CSMD2: variants seen among roughly 807,000 people sequenced by gnomAD.
CSMD2 encodes CUB and Sushi multiple domains 2, also known as CUB and sushi domain-containing protein 2.
Under a neutral mutation model 398.5 loss-of-function variants are expected in CSMD2, and 130 were observed. The ratio of observed to expected loss-of-function variants is 0.33; its 90% CI spans 0.28 to 0.38. The LOEUF (loss-of-function observed/expected upper bound fraction) is 0.38. CSMD2 is among the 10% of genes least tolerant of loss of function. The pLI, the probability that CSMD2 is intolerant of heterozygous loss-of-function variation, is 1.00. For missense variants in CSMD2, 3,829 were observed against 4,764.9 expected, an observed-to-expected ratio of 0.80 and a Z score of 5.78; for synonymous variants, 1,828 against 1,908.5, an observed-to-expected ratio of 0.96 and a Z score of 1.10.
intron 1 of CSMD2, among the ~76,000 whole-genome samples, chr1:34,107,697 A>T (rs1660657423): frequency 6.6e-6 from 1 of 152,196 alleles, no homozygotes; most frequent in Admixed American, 6.5e-5. Flanking sequence ...CAGCACTCTC[A>T]TACAGCAAAG....
intron 1 of CSMD2, among the ~76,000 whole-genome samples, chr1:34,096,215 T>C (rs1659280391): frequency 6.6e-6 from 1 of 152,000 alleles, no homozygotes; most frequent in Non-Finnish European, 1.5e-5. Flanking sequence ...CAACAACCCT[T>C]CATGCTAAAA....
At chr1:33,789,411 T>C (rs1365594824) in intron 11 of CSMD2, among the ~76,000 whole-genome samples, 2 of 152,178 alleles carry the variant, frequency 1.3e-5, no homozygotes, top group East Asian at 1.9e-4. Context: ...GCCAGGAAGG[T>C]AGGGGTTGTC....
chr1:33,786,282 G>T (rs1377987278), intron 12 of CSMD2, among the ~76,000 whole-genome samples: 1 of 152,196 alleles, frequency 6.6e-6, no homozygotes, highest in African/African-American at 2.4e-5. Flanking sequence ...GCATGAGGAT[G>T]ACATGGAATC....
Position 33,533,870 on chromosome 1 carries a change from T to A in CSMD2, c.9917A>T (p.Tyr3306Phe). 2 of 1,614,072 alleles carry A rather than the reference T, an allele frequency of 1.2e-6. No individual in the cohort carries two copies. Among genetic ancestry groups the A allele is most frequent in the Non-Finnish European group, 1.7e-6 (2 of 1,179,950 alleles). Residue 3306 changes from tyrosine to phenylalanine, a missense_variant, in exon 63 of 71, where the codon TAC becomes TTC. Tyr to Phe is a conservative substitution (Grantham distance 22). This residue lies in a region of CSMD2 where 917 missense variants were observed against 1,199.5 expected (regional missense o/e 0.76). Coordinates refer to ENST00000373381, the MANE Select transcript of CSMD2 (RefSeq NM_001281956.2). The surrounding 1 kb of genome is among the most constrained non-coding windows in gnomAD (Gnocchi z 4.2). ...STVLFRCQKG[Y>F]LLQGSTTRTC... The stretch of plus-strand genomic sequence containing the variant: ...CCTGGTGGTGGAGCCCTGAAGCAGG[T>A]AGCCTTTTTGACAACGGAAGAGGAC...
At chr1:33,623,992 C>T (rs866725501) in intron 35 of CSMD2, among the ~76,000 whole-genome samples, 3 of 152,220 alleles carry the variant, frequency 2.0e-5, no homozygotes, top group South Asian at 2.1e-4. Context: ...GTTATGCCCC[C>T]AGTTCAGCTT....
At chr1:33,642,166 GC>G (rs1643144627) in intron 29 of CSMD2, among the ~76,000 whole-genome samples, 1 of 151,948 alleles carries the variant, frequency 6.6e-6, no homozygotes, top group African/African-American at 2.4e-5. Context: ...GGCCAACATG[GC>G]GAAACCCCAT....
At chr1:33,729,111 C>T (rs1646637393) in intron 15 of CSMD2, among the ~76,000 whole-genome samples, 1 of 152,174 alleles carries the variant, frequency 6.6e-6, no homozygotes, top group East Asian at 1.9e-4. Flanking sequence ...ACAGGCCCAG[C>T]ATCTCTGGTT....
intron 13 of CSMD2, among the ~76,000 whole-genome samples, chr1:33,767,512 G>A (rs1201613875): frequency 6.6e-6 from 1 of 152,104 alleles, no homozygotes; most frequent in African/African-American, 2.4e-5. Context: ...TTTAACCTTA[G>A]CAGGATCATC....
intron 3 of CSMD2, among the ~76,000 whole-genome samples, chr1:33,965,408 C>T (rs1044881887): frequency 6.6e-6 from 1 of 152,170 alleles, no homozygotes; most frequent in African/African-American, 2.4e-5. Flanking sequence ...ACACAATCTC[C>T]AGGTTCTTGT....
intron 10 of CSMD2, among the ~76,000 whole-genome samples, chr1:33,803,900 C>T (rs1285204915): frequency 7.9e-5 from 12 of 152,192 alleles, no homozygotes; most frequent in Admixed American, 7.9e-4. Context: ...GAGGTGAAGC[C>T]CAGCCCCTTT....
chr1:33,952,041 C>T (rs996294275), intron 3 of CSMD2, among the ~76,000 whole-genome samples: 2 of 152,208 alleles, frequency 1.3e-5, no homozygotes, highest in East Asian at 3.9e-4. Context: ...GTGCTTTGTA[C>T]ACACCTCCAT....
At position 34,164,915 on chromosome 1, in the gene CSMD2, G is replaced by A; in HGVS notation, c.183C>T (p.Ala61=). 8.2e-7 allele frequency: 1 copy of A among 1,219,632 alleles called. No homozygotes were observed. Among genetic ancestry groups the A allele is most frequent in the Non-Finnish European group, 1.0e-6 (1 of 980,220 alleles). 75.6% of individuals were successfully genotyped at this position (1,219,632 alleles called of 1,614,324 possible). A position where few individuals can be genotyped will look rare whatever the true frequency, so the allele number is the denominator to read the frequency against. ...CCTCGGCGCGGCTGGACTCACCCGC[G>A]GCGGCCGAGACGCTGAGCAACCCAC... ...LGCGLLSVSA[A]AGQNCTFQLH... The change falls in exon 1 of 71, where the codon GCC becomes GCT. Residue 61 remains alanine (A), a synonymous_variant. Transcript: ENST00000373381. The surrounding 1 kb of genome is among the most constrained non-coding windows in gnomAD (Gnocchi z 6.2).
chr1:33,576,529 T>TCA (rs1425677777), intron 49 of CSMD2, among the ~76,000 whole-genome samples: 6 of 152,124 alleles, frequency 3.9e-5, no homozygotes, highest in Non-Finnish European at 7.4e-5. Context: ...AGGCAGAGGT[T>TCA]GCAGTGAGCT....
At chr1:34,004,281 G>A (rs141732632) in intron 3 of CSMD2, among the ~76,000 whole-genome samples, 76 of 152,222 alleles carry the variant, frequency 5.0e-4, no homozygotes, top group African/African-American at 1.5e-3. Flanking sequence ...GGCCACACCC[G>A]CCACCCTTTG....
chr1:33,744,590 A>G (rs1051146211), intron 13 of CSMD2, among the ~76,000 whole-genome samples: 1 of 152,212 alleles, frequency 6.6e-6, no homozygotes, highest in Non-Finnish European at 1.5e-5. Flanking sequence ...TGAGAAAACA[A>G]ATAAATACTA....
At chr1:33,565,737 A>C (rs973075528) in intron 53 of CSMD2, among the ~76,000 whole-genome samples, 1 of 152,204 alleles carries the variant, frequency 6.6e-6, no homozygotes, top group Non-Finnish European at 1.5e-5. Context: ...CAGCATTCTA[A>C]ACTGAACTAA....
intron 3 of CSMD2, among the ~76,000 whole-genome samples, chr1:33,942,485 T>C (rs932468962): frequency 6.6e-6 from 1 of 152,218 alleles, no homozygotes; most frequent in Admixed American, 6.5e-5. Flanking sequence ...CCACAACTAG[T>C]CAGAGGGCCC....
chr1:34,027,920 A>AAGG (rs1553287385), intron 3 of CSMD2, among the ~76,000 whole-genome samples: 4 of 151,978 alleles, frequency 2.6e-5, no homozygotes, highest in Admixed American at 6.6e-5. Context: ...CAGGAGGAGG[A>AAGG]GGAGGAGGTA....
At chr1:34,108,507 C>A (rs1660740808) in intron 1 of CSMD2, among the ~76,000 whole-genome samples, 1 of 152,176 alleles carries the variant, frequency 6.6e-6, no homozygotes, top group Non-Finnish European at 1.5e-5. Context: ...CAAGAGTAGC[C>A]CTGTCCATGG....
Sources: allele counts gnomAD v4.1 joint callset (sites outside exome capture counted in the v4.1 genomes callset), GRCh38; gene constraint gnomAD v4.1.1; regional missense constraint gnomAD v4.1.1; non-coding constraint Gnocchi (gnomAD v3.1); transcripts MANE v1.5; gene names NCBI Gene and HGNC (gene_info 2026-07-23, HGNC 2026-07-21).